AKR7A3: variants seen among roughly 807,000 people sequenced by gnomAD.
AKR7A3 encodes the protein AFB1 aldehyde reductase 2.
AKR7A3 carries 37 observed loss-of-function variants against 32.5 expected under a neutral mutation model. That is an observed-to-expected ratio of 1.14 (90% CI 0.88 to 1.50). The LOEUF (loss-of-function observed/expected upper bound fraction) is 1.50. Among genes scored for constraint, AKR7A3 ranks in the 40% most tolerant of loss-of-function variants. The pLI, the probability that AKR7A3 is intolerant of heterozygous loss-of-function variation, is 0.00. For missense variants in AKR7A3, 412 were observed against 453.2 expected (o/e 0.91, Z 0.83); for synonymous variants, 177 against 188.4 (o/e 0.94, Z 0.50).
rs138344238 is a variant in AKR7A3, at chr1:19,286,228, G to A, written c.359C>T (p.Pro120Leu). Residue 120 changes from proline to leucine, a missense_variant, in exon 2 of 7, where the codon CCG (proline) becomes CTG (leucine). Transcript: ENST00000361640. The stretch of plus-strand genomic sequence containing the variant: ...GCAGGCACGCAGTGTCTCTTCCACC[G>A]GGGTGCTGTGGTCTGGCATATGCAG... ...FYLHMPDHST[P>L]VEETLRACHQ... The A allele has an allele frequency of 1.2e-5, 20 of 1,613,220 alleles. No individual in the cohort carries two copies. The highest frequency in any genetic ancestry group is 2.2e-5 in the East Asian group (1 of 44,898).
At position 19,285,013 on chromosome 1, in the gene AKR7A3, C is replaced by T. The variant is rs372930558; in HGVS notation, c.604+5G>A. On this transcript the variant is annotated splice_donor_5th_base_variant and intron_variant, in intron 4 of 6. Coordinates refer to ENST00000361640, the MANE Select transcript of AKR7A3 (RefSeq NM_012067.3). ...CTGAGACAGGGCCAGGAATGCTCCACGTACCAGCCAGAGGGTTGAAGGCAT... is the reference window on the plus strand; with the variant it reads ...CTGAGACAGGGCCAGGAATGCTCCATGTACCAGCCAGAGGGTTGAAGGCAT... 5.0e-5 allele frequency: 81 copies of T among 1,612,238 alleles called. No homozygotes were observed. The highest frequency in any genetic ancestry group is 1.2e-4 in the African/African-American group (9 of 74,590).
At chr1:19,284,899 C>T (rs2093726488) in intron 4 of AKR7A3, 114 bp from the exon 5 acceptor site, 1 of 1,570,172 alleles carries the variant, frequency 6.4e-7, no homozygotes, top group Non-Finnish European at 8.8e-7. Flanking sequence ...AAGATGCAGC[C>T]TTTACGTCTT....
downstream of AKR7A3, among the ~76,000 whole-genome samples, chr1:19,281,174 T>A (rs2093718322): frequency 6.6e-6 from 1 of 151,736 alleles, no homozygotes; most frequent in Admixed American, 6.6e-5. Flanking sequence ...CCCGAGTAGC[T>A]GGGATTACAG....
At chr1:19,280,445 A>G (rs1422463836), downstream of AKR7A3, among the ~76,000 whole-genome samples, 1 of 151,716 alleles carries the variant, frequency 6.6e-6, no homozygotes, top group East Asian at 1.9e-4. Flanking sequence ...CTTTTAGCCT[A>G]TACATTTAGG....
At chr1:19,286,658 A>G (rs370511490) in intron 1 of AKR7A3, among the ~76,000 whole-genome samples, 4 of 151,884 alleles carry the variant, frequency 2.6e-5, no homozygotes, top group African/African-American at 9.7e-5. Flanking sequence ...AATGTCTCAC[A>G]GAGTGAGACT....
the AKR7A3 span, among the ~76,000 whole-genome samples, chr1:19,274,504 CTAAG>C: frequency 0.028 from 4,266 of 151,802 alleles, 74 homozygotes; most frequent in South Asian, 0.053. Context: ...TGTGGTGGAC[CTAAG>C]TAAGGGCTGT....
chr1:19,282,226 G>A (rs928052578), downstream of AKR7A3, among the ~76,000 whole-genome samples: 11 of 151,894 alleles, frequency 7.2e-5, 1 homozygote, highest in African/African-American at 2.4e-4. Flanking sequence ...GGTGGGAGGG[G>A]TTAGGGTATG....
the AKR7A3 span, among the ~76,000 whole-genome samples, chr1:19,276,632 T>A: frequency 5.7e-4 from 86 of 150,878 alleles, 2 homozygotes; most frequent in Middle Eastern, 3.5e-3. Flanking sequence ...TAAGAACCCG[T>A]CTCTACTAAA....
chr1:19,288,715 C>T lies in AKR7A3; in HGVS notation c.-6G>A. The T allele has an allele frequency of 6.7e-7, 1 of 1,483,558 alleles. No individual in the cohort carries two copies. The highest frequency in any genetic ancestry group is 8.9e-7 in the Non-Finnish European group (1 of 1,119,648). 91.9% of individuals were successfully genotyped at this position (1,483,558 alleles called of 1,614,324 possible). ...CGCGACAGCTGCCGGGACATGACGG[C>T]GGCAACGGGAGACTGTGACAGCCCA... On this transcript the variant is annotated 5_prime_UTR_variant, in exon 1 of 7. Transcript: ENST00000361640.
the AKR7A3 span, among the ~76,000 whole-genome samples, chr1:19,275,562 T>C: frequency 6.6e-6 from 1 of 151,686 alleles, no homozygotes; most frequent in African/African-American, 2.4e-5. Context: ...TCTCAGCACT[T>C]TGGGAGGCTG....
chr1:19,281,189 C>G (rs967346553), downstream of AKR7A3, among the ~76,000 whole-genome samples: 1 of 151,572 alleles, frequency 6.6e-6, no homozygotes, highest in Non-Finnish European at 1.5e-5. Flanking sequence ...TTACAGGCGC[C>G]TACCACCACG....
At chr1:19,285,837 A>T in intron 3 of AKR7A3, 51 bp downstream of exon 3, 3 of 1,609,856 alleles carry the variant, frequency 1.9e-6, no homozygotes, top group Non-Finnish European at 2.5e-6. Context: ...AAGACAGCCC[A>T]GGATGAGCAG....
the AKR7A3 span, among the ~76,000 whole-genome samples, chr1:19,274,899 C>CAAAAAAAAAAAAAAAAAAAAA: frequency 3.9e-3 from 173 of 44,138 alleles, 25 homozygotes; most frequent in South Asian, 5.8e-3. Flanking sequence ...TCTCTAAATA[C>CAAAAAAAAAAAAAAAAAAAAA]AAAAAAAAAA....
At chr1:19,275,945 CAAT>C in the AKR7A3 span, among the ~76,000 whole-genome samples, 11 of 151,808 alleles carry the variant, frequency 7.2e-5, no homozygotes, top group Non-Finnish European at 8.8e-5. Flanking sequence ...ACATGAAAAA[CAAT>C]AATAGAACTT....
At position 19,285,821 on chromosome 1, in the gene AKR7A3, G is replaced by C. The variant is rs1301539063; in HGVS notation, c.507+67C>G. 22 of 1,595,750 alleles carry C rather than the reference G, an allele frequency of 1.4e-5. No homozygotes were observed. The Admixed American group carries it at 2.0e-4, about 15-fold the overall frequency. ...GCAGAGGGCACAGGGGGCAGTCAGA[G>C]GGGCAAAGACAGCCCAGGATGAGCA... On this transcript the variant is annotated intron_variant, in intron 3 of 6. Coordinates refer to ENST00000361640, the MANE Select transcript of AKR7A3 (RefSeq NM_012067.3).
downstream of AKR7A3, among the ~76,000 whole-genome samples, chr1:19,277,712 C>T (rs1419949503): frequency 4.6e-5 from 7 of 151,752 alleles, no homozygotes; most frequent in African/African-American, 1.5e-4. Context: ...GTAGAGACAG[C>T]GTCTCGCCAT....
At chr1:19,284,197 C>T in intron 5 of AKR7A3, 72 bp from the exon 6 acceptor site, 1 of 1,547,790 alleles carries the variant, frequency 6.5e-7, no homozygotes, top group Non-Finnish European at 8.7e-7. Context: ...CAACCAGGGC[C>T]ACTGTCCCAC....
At position 19,288,367 on chromosome 1, in the gene AKR7A3, A is replaced by T. The variant is rs1300510449; in HGVS notation, c.214+129T>A. ...GTGTTCCCAAGGCTGCGAGGTGAACAGGGGTGGGGGCGGTGGGGGGGACAA... is the reference window on the plus strand; with the variant it reads ...GTGTTCCCAAGGCTGCGAGGTGAACTGGGGTGGGGGCGGTGGGGGGGACAA... On this transcript the variant is annotated intron_variant, in intron 1 of 6. Transcript: ENST00000361640. 3 of 1,039,458 alleles carry T rather than the reference A, an allele frequency of 2.9e-6. No homozygotes were observed. In the African/African-American group the frequency reaches 9.6e-5, roughly 33 times the overall value. The allele number at this position is 1,039,458 out of a possible 1,614,324, so 64.4% of individuals were successfully genotyped here. A position where few individuals can be genotyped will look rare whatever the true frequency, so the allele number is the denominator to read the frequency against.
chr1:19,274,448 G>A, the AKR7A3 span, among the ~76,000 whole-genome samples: 3 of 151,810 alleles, frequency 2.0e-5, no homozygotes, highest in Non-Finnish European at 4.4e-5. Context: ...CGCCCGCCCC[G>A]GAGCTGTCCC....
Sources: gnomAD v4.1 joint callset for allele counts (sites outside exome capture counted in the v4.1 genomes callset) on GRCh38, gnomAD v4.1.1 for gene constraint, MANE v1.5 for transcripts, NCBI Gene and HGNC (gene_info 2026-07-23, HGNC 2026-07-21) for gene names.